Variants in CHD5 observed in about 807,000 individuals in gnomAD.
The protein encoded by CHD5 is chromodomain helicase DNA binding protein 5.
In CHD5, 69 loss-of-function variants were observed where a neutral mutation model predicts 230.3. The ratio of observed to expected loss-of-function variants is 0.30; its 90% CI spans 0.25 to 0.37. CHD5 has a LOEUF of 0.37. CHD5 is among the 10% of genes least tolerant of loss of function. CHD5 has a pLI of 1.00. For synonymous variants in CHD5, 1,064 were observed against 1,065.9 expected (o/e 1.00, Z 0.03); for missense variants, 1,827 against 2,622.8 (o/e 0.70, Z 6.63).
chr1:6,133,968 C>G (rs888352018), intron 20 of CHD5, among the ~76,000 whole-genome samples, 160 bp downstream of exon 20: 4 of 152,182 alleles, frequency 2.6e-5, no homozygotes, highest in African/African-American at 9.6e-5. Context: ...CGCATTATGC[C>G]AGGGCACGGG....
In CHD5 at chr1:6,152,503, T is replaced by TGGG. The variant is rs1366946733; in HGVS notation, c.778_779insCCC (p.Lys260delinsThrGln). On this transcript the variant is annotated protein_altering_variant, in exon 6 of 42. Transcript: ENST00000262450. Reference sequence around the variant, plus strand: ...CCCTTTGCCCTTTTTCTTCCCATCTTTGGAGCCTTTGATCTTCTTCCTCAC... The same window carrying TGGG: ...CCCTTTGCCCTTTTTCTTCCCATCTTGGGTGGAGCCTTTGATCTTCTTCCTCAC... The TGGG allele has an allele frequency of 1.2e-6, 2 of 1,614,088 alleles. No individual in the cohort carries two copies. The highest frequency in any genetic ancestry group is 2.7e-5 in the African/African-American group (2 of 74,934).
intron 33 of CHD5, among the ~76,000 whole-genome samples, chr1:6,114,703 A>C (rs191444120): frequency 6.6e-6 from 1 of 152,146 alleles, no homozygotes; most frequent in African/African-American, 2.4e-5. Flanking sequence ...CAGAGAAAAA[A>C]GAAAAAGAAG....
At chr1:6,145,995 G>A (rs965802844) in intron 11 of CHD5, among the ~76,000 whole-genome samples, 14 of 152,148 alleles carry the variant, frequency 9.2e-5, no homozygotes, top group African/African-American at 1.9e-4. Flanking sequence ...TGAGTGTGCC[G>A]GCATGCATGG....
In CHD5 at chr1:6,126,869, G is replaced by A. The variant is rs1666567185; in HGVS notation, c.3904-123C>T. On this transcript the variant is annotated intron_variant, in intron 25 of 41. Coordinates refer to ENST00000262450, the MANE Select transcript of CHD5 (RefSeq NM_015557.3). This position sits in a 1 kb window ranked among gnomAD's most constrained non-coding sequence, Gnocchi z 5.7. ...GGCTCAAGGATTAATGGGATGGCCT[G>A]CCTACTCCAGGAAGCCTTCTCTGAT... is the stretch of plus-strand genomic sequence containing the variant. 3.6e-6 allele frequency: 3 copies of A among 826,788 alleles called. No individual in the cohort carries two copies. Among genetic ancestry groups the A allele is most frequent in the South Asian group, 3.5e-5 (2 of 56,962 alleles). 51.2% of individuals were successfully genotyped at this position (826,788 alleles called of 1,614,324 possible). A position where few individuals can be genotyped will look rare whatever the true frequency, so the allele number is the denominator to read the frequency against.
In CHD5 at chr1:6,159,365, C is replaced by T. The variant is rs769924450; in HGVS notation, c.358G>A (p.Glu120Lys). Residue 120 changes from glutamate (E) to lysine (K), a missense_variant, in exon 3 of 42, where the codon GAG (glutamate) becomes AAG (lysine). Physicochemically the swap from Glu to Lys is moderately conservative, Grantham distance 56 (BLOSUM62 1). Around this residue, in one of 14 missense-constraint regions of CHD5, gnomAD observed 657 missense variants for 816.4 expected, o/e 0.80. Coordinates refer to ENST00000262450, the MANE Select transcript of CHD5 (RefSeq NM_015557.3). ...KAKRKKKDED[E>K]DDNDDGCLKE... ...AAGCATCCATCATCATTATCATCCT[C>T]ATCCTCATCCTTCTTTTTTCGCTTG... 5 of 1,551,770 alleles carry T rather than the reference C, an allele frequency of 3.2e-6. No individual in the cohort carries two copies. The South Asian group carries it at 5.9e-5, about 18-fold the overall frequency.
At position 6,154,124 on chromosome 1, in the gene CHD5, C is replaced by T. The variant is rs1450279015; in HGVS notation, c.745+536G>A. Among the ~76,000 whole-genome samples, 1 of 152,188 alleles carries T rather than the reference C, an allele frequency of 6.6e-6. No individual in the cohort carries two copies. The highest frequency in any genetic ancestry group is 1.5e-5 in the Non-Finnish European group (1 of 68,018). ...CCGTGCCCAGTCCCTCCAACTCCTG[C>T]CTGCTTCCCGGATCCTAAAGCTGGA... On this transcript the variant is annotated intron_variant, in intron 5 of 41. Transcript: ENST00000262450. The surrounding 1 kb of genome is among the most constrained non-coding windows in gnomAD (Gnocchi z 7.0).
At chr1:6,157,605 C>G (rs1283143024) in intron 3 of CHD5, among the ~76,000 whole-genome samples, 2 of 152,198 alleles carry the variant, frequency 1.3e-5, no homozygotes, top group Non-Finnish European at 2.9e-5. Context: ...TCTGCCCATC[C>G]AGGCTGCGGG....
At chr1:6,159,212 C>T in intron 3 of CHD5, 124 bp downstream of exon 3, 1 of 1,458,138 alleles carries the variant, frequency 6.9e-7, no homozygotes. Context: ...AGCCTGGCAA[C>T]AGAGTGAGAC....
intron 33 of CHD5, among the ~76,000 whole-genome samples, chr1:6,117,827 A>G (rs554048532): frequency 6.6e-6 from 1 of 152,328 alleles, no homozygotes; most frequent in East Asian, 1.9e-4. Context: ...GAACCCTCAC[A>G]CATGCTGGTA....
intron 17 of CHD5, among the ~76,000 whole-genome samples, chr1:6,135,938 A>G (rs1304752343): frequency 6.6e-6 from 1 of 151,988 alleles, no homozygotes; most frequent in Non-Finnish European, 1.5e-5. Flanking sequence ...TGAACCCAGG[A>G]GGCGGAGGTT....
intron 2 of CHD5, among the ~76,000 whole-genome samples, chr1:6,165,258 T>C (rs1667234701): frequency 6.6e-6 from 1 of 152,132 alleles, no homozygotes; most frequent in African/African-American, 2.4e-5. Flanking sequence ...TAGCCAGGGC[T>C]GGTGCTGTAC....
At chr1:6,174,838 G>C (rs1667396252) in intron 1 of CHD5, among the ~76,000 whole-genome samples, 1 of 151,594 alleles carries the variant, frequency 6.6e-6, no homozygotes, top group Admixed American at 6.6e-5. Context: ...TGGATAAATG[G>C]ATGAATGGAT....
rs1666836091 is a variant in CHD5 at position 6,142,029 on chromosome 1, TC to T, written c.2436+98del. 6.3e-6 allele frequency: 7 copies of T among 1,105,682 alleles called. No homozygotes were observed. The highest frequency in any genetic ancestry group is 9.5e-6 in the Non-Finnish European group (7 of 738,616). 68.5% of individuals were successfully genotyped at this position (1,105,682 alleles called of 1,614,324 possible). On this transcript the variant is annotated intron_variant, in intron 15 of 41. Coordinates refer to ENST00000262450, the MANE Select transcript of CHD5 (RefSeq NM_015557.3). This position sits in a 1 kb window ranked among gnomAD's most constrained non-coding sequence, Gnocchi z 5.2. ...CAGAGCCTGCCGGCCTCGGTAGCCC[TC>T]CCAGGCTGAGGGACCCCAAAGGAGT...
chr1:6,120,501 T>TAA (rs5772220), intron 33 of CHD5, among the ~76,000 whole-genome samples: 29 of 110,014 alleles, frequency 2.6e-4, no homozygotes, highest in East Asian at 9.4e-4. Flanking sequence ...TACTAAAAAT[T>TAA]AAAAAAAAAA....
At position 6,128,928 on chromosome 1, in the gene CHD5, G is replaced by A; in HGVS notation, c.3529C>T (p.Leu1177Phe). 6.2e-7 allele frequency: 1 copy of A among 1,613,326 alleles called. No homozygotes were observed. The highest frequency in any genetic ancestry group is 8.5e-7 in the Non-Finnish European group (1 of 1,179,998). The change falls in exon 23 of 42, where the codon CTC becomes TTC. Residue 1177 changes from leucine to phenylalanine, a missense_variant. Transcript: ENST00000262450. This position sits in a 1 kb window ranked among gnomAD's most constrained non-coding sequence, Gnocchi z 7.8. ...GTCATGGACCCCGACTTGGAGCCGAGGCCGGGCCGCACCACCAGGTGGGTG... is the reference window on the plus strand; with the variant it reads ...GTCATGGACCCCGACTTGGAGCCGAAGCCGGGCCGCACCACCAGGTGGGTG... ...MLTHLVVRPG[L>F]GSKSGSMTKQ... is the part of the protein sequence containing the mutation.
chr1:6,134,727 C>G lies in CHD5; in HGVS notation c.3003G>C (p.Val1001=), dbSNP rs1338731316. 6.2e-7 allele frequency: 1 copy of G among 1,614,120 alleles called. No homozygotes were observed. The highest frequency in any genetic ancestry group is 2.2e-5 in the East Asian group (1 of 44,864). ...GGCCGGGGAAACCTACCACGGCAGC[C>G]ACAGGGAAGAGGTAGGGGTGGTTGC... ...KCCNHPYLFP[V]AAVEAPVLPN... The change falls in exon 19 of 42, where the codon GTG becomes GTC. Residue 1001 remains valine (V), a synonymous_variant. Transcript: ENST00000262450. This position sits in a 1 kb window ranked among gnomAD's most constrained non-coding sequence, Gnocchi z 6.3.
chr1:6,159,622 G>A (rs1036380080), intron 2 of CHD5, 107 bp from the exon 3 acceptor site: 33 of 861,498 alleles, frequency 3.8e-5, no homozygotes, highest in African/African-American at 6.8e-5. Flanking sequence ...GCTGGGGATC[G>A]ACCGATCCCC....
At chr1:6,141,976 T>C (rs1333184557) in intron 15 of CHD5, 152 bp downstream of exon 15, 4 of 679,406 alleles carry the variant, frequency 5.9e-6, no homozygotes, top group Non-Finnish European at 1.0e-5. Context: ...CTGACATGGC[T>C]GTAACTCAGC....
chr1:6,141,442 C>A lies in CHD5; in HGVS notation c.2436+686G>T, dbSNP rs182843759. On this transcript the variant is annotated intron_variant, in intron 15 of 41. Coordinates refer to ENST00000262450, the MANE Select transcript of CHD5 (RefSeq NM_015557.3). ...ACCAGCCTGGCCAACATGGTGAAAC[C>A]TGTCTCTACCAAAAAATACAAAATT... Among the ~76,000 whole-genome samples the A allele has an allele frequency of 4.5e-3, 681 of 151,952 alleles. 4 individuals are homozygous for A. The highest frequency in any genetic ancestry group is 0.015 in the African/African-American group (626 of 41,434).
Sources: allele counts gnomAD v4.1 joint callset (sites outside exome capture counted in the v4.1 genomes callset), GRCh38; gene constraint gnomAD v4.1.1; regional missense constraint gnomAD v4.1.1; non-coding constraint Gnocchi (gnomAD v3.1); transcripts MANE v1.5; gene names NCBI Gene and HGNC (gene_info 2026-07-23, HGNC 2026-07-21).